Variants in LRP1B observed in about 807,000 individuals in gnomAD.
The protein encoded by LRP1B is LDL receptor related protein 1B.
A neutral mutation model predicts 556.6 loss-of-function variants in LRP1B; 217 were observed. The ratio of observed to expected loss-of-function variants is 0.39; its 90% CI spans 0.35 to 0.44. The LOEUF (loss-of-function observed/expected upper bound fraction) is 0.44, where lower values mean the gene tolerates loss of function less well. LRP1B is among the 20% of genes least tolerant of loss of function. LRP1B has a pLI of 1.00. For synonymous variants in LRP1B, 2,047 were observed against 1,865.8 expected, an observed-to-expected ratio of 1.10 and a Z score of -2.50; for missense variants, 5,053 against 5,620.8, an observed-to-expected ratio of 0.90 and a Z score of 3.23.
At chr2:140,752,983 TCAAA>T (rs1367572664) in intron 35 of LRP1B, among the ~76,000 whole-genome samples, 2 of 152,174 alleles carry the variant, frequency 1.3e-5, no homozygotes, top group Non-Finnish European at 1.5e-5. Flanking sequence ...CAATATAATA[TCAAA>T]CAGAGTAGTT....
intron 1 of LRP1B, among the ~76,000 whole-genome samples, chr2:141,890,332 A>ATG (rs1699247207): frequency 2.0e-5 from 1 of 49,176 alleles, no homozygotes; most frequent in Admixed American, 2.8e-4. Flanking sequence ...ACATATATAT[A>ATG]TATATATATA....
intron 3 of LRP1B, among the ~76,000 whole-genome samples, chr2:141,415,358 A>G (rs1691058334): frequency 1.3e-5 from 2 of 151,772 alleles, no homozygotes; most frequent in African/African-American, 2.4e-5. Flanking sequence ...CATGCCCCTT[A>G]TTTTTCACCA....
intron 14 of LRP1B, 87 bp from the exon 15 acceptor site, chr2:141,005,544 A>G (rs968499925): frequency 2.6e-6 from 3 of 1,156,326 alleles, no homozygotes; most frequent in African/African-American, 3.1e-5. Context: ...ACATACACTT[A>G]TATATGCTAT....
chr2:141,964,179 T>C (rs958272009), intron 1 of LRP1B, among the ~76,000 whole-genome samples: 8 of 150,460 alleles, frequency 5.3e-5, no homozygotes, highest in Non-Finnish European at 1.2e-4. Context: ...CCAAGGTAAT[T>C]TACAGATTCA....
intron 1 of LRP1B, among the ~76,000 whole-genome samples, chr2:142,015,457 C>A (rs547266774): frequency 1.2e-4 from 18 of 152,264 alleles, no homozygotes; most frequent in Non-Finnish European, 2.5e-4. Context: ...AGGACATAGG[C>A]ATGGGCAAAG....
chr2:140,337,365 C>A (rs1025526163), intron 77 of LRP1B, among the ~76,000 whole-genome samples: 7 of 151,824 alleles, frequency 4.6e-5, no homozygotes, highest in Non-Finnish European at 8.8e-5. Context: ...TAAAGCACTC[C>A]GCAATACAGT....
chr2:141,999,250 C>G (rs1238697891), intron 1 of LRP1B, among the ~76,000 whole-genome samples: 1 of 152,058 alleles, frequency 6.6e-6, no homozygotes, highest in Non-Finnish European at 1.5e-5. Flanking sequence ...CCCTCCCCTC[C>G]CCATCATGGC....
At chr2:141,244,600 T>A (rs1684001479) in intron 5 of LRP1B, among the ~76,000 whole-genome samples, 1 of 152,142 alleles carries the variant, frequency 6.6e-6, no homozygotes, top group African/African-American at 2.4e-5. Context: ...ATAACAAAAC[T>A]ACCTTAAAAA....
chr2:141,506,261 A>G (rs1446030544), intron 2 of LRP1B, among the ~76,000 whole-genome samples: 3 of 152,142 alleles, frequency 2.0e-5, no homozygotes, highest in Non-Finnish European at 4.4e-5. Flanking sequence ...GTCATTCATC[A>G]TTAGTTATAA....
chr2:141,021,045 T>G (rs1698050517), intron 11 of LRP1B, among the ~76,000 whole-genome samples: 1 of 151,958 alleles, frequency 6.6e-6, no homozygotes, highest in African/African-American at 2.4e-5. Context: ...TGTGAACTCC[T>G]TCTTTTCTCT....
intron 32 of LRP1B, among the ~76,000 whole-genome samples, chr2:140,785,393 C>A (rs1324803511): frequency 7.2e-5 from 11 of 152,030 alleles, no homozygotes; most frequent in Non-Finnish European, 5.9e-5. Context: ...GAGATCCAGG[C>A]AGGACAGCAG....
At chr2:141,612,420 CT>C (rs1399390148) in intron 2 of LRP1B, among the ~76,000 whole-genome samples, 1 of 152,090 alleles carries the variant, frequency 6.6e-6, no homozygotes, top group Non-Finnish European at 1.5e-5. Flanking sequence ...TTCTTTCTAT[CT>C]TTTAAAAATT....
intron 56 of LRP1B, among the ~76,000 whole-genome samples, chr2:140,495,313 CTTT>C (rs10536858): frequency 0.048 from 6,385 of 133,716 alleles, 158 homozygotes; most frequent in Non-Finnish European, 0.051. Flanking sequence ...AGAGATAGTT[CTTT>C]TTTTTTTTTT....
At chr2:140,316,848 C>G (rs1035978232) in intron 82 of LRP1B, among the ~76,000 whole-genome samples, 1 of 152,086 alleles carries the variant, frequency 6.6e-6, no homozygotes, top group African/African-American at 2.4e-5. Flanking sequence ...CAGCCCTTAT[C>G]GACTGTATCT....
intron 2 of LRP1B, among the ~76,000 whole-genome samples, chr2:141,795,522 C>A (rs930666608): frequency 9.9e-5 from 15 of 151,840 alleles, no homozygotes; most frequent in African/African-American, 3.6e-4. Context: ...TCAGAGTCCA[C>A]GTTTGTGGTG....
chr2:140,482,179 G>A (rs6709855), intron 59 of LRP1B, among the ~76,000 whole-genome samples: 1,722 of 123,462 alleles, frequency 0.014, 41 homozygotes, highest in African/African-American at 0.041. Context: ...ACTTGAAGAC[G>A]AGGGACCATG....
intron 7 of LRP1B, among the ~76,000 whole-genome samples, chr2:141,150,112 C>A (rs2105080225): frequency 6.6e-6 from 1 of 152,256 alleles, no homozygotes; most frequent in South Asian, 2.1e-4. Flanking sequence ...CACCCAGGTC[C>A]ACTGAACAGG....
chr2:141,781,555 T>G (rs564192674), intron 2 of LRP1B, among the ~76,000 whole-genome samples: 1 of 152,264 alleles, frequency 6.6e-6, no homozygotes, highest in African/African-American at 2.4e-5. Flanking sequence ...CCAGGTTTGG[T>G]CAACAAAACT....
intron 2 of LRP1B, among the ~76,000 whole-genome samples, chr2:141,555,646 G>T (rs187644227): frequency 7.2e-4 from 109 of 151,994 alleles, no homozygotes; most frequent in African/African-American, 2.5e-3. Flanking sequence ...TGAATTATTT[G>T]TGTTTTTTGA....
Sources: gnomAD v4.1 joint callset for allele counts (sites outside exome capture counted in the v4.1 genomes callset) on GRCh38, gnomAD v4.1.1 for gene constraint, MANE v1.5 for transcripts, NCBI Gene and HGNC (gene_info 2026-07-23, HGNC 2026-07-21) for gene names.